The following LRRC52 variants were observed in gnomAD, a reference collection of about 807,000 sequenced individuals.
The protein encoded by LRRC52 is leucine-rich repeat-containing protein 52.
A neutral mutation model predicts 14.7 loss-of-function variants in LRRC52; 15 were observed. The observed-to-expected ratio is 1.02, with a 90% CI of 0.68 to 1.58. The LOEUF (loss-of-function observed/expected upper bound fraction) is 1.58. Ranked by LOEUF, LRRC52 falls within the 40% of genes most tolerant of loss-of-function variation. LRRC52 has a pLI of 0.00. For missense variants in LRRC52, 400 were observed against 387.7 expected (o/e 1.03, Z -0.27); for synonymous variants, 180 against 163.9 (o/e 1.10, Z -0.75).
At position 165,563,880 on chromosome 1, in the gene LRRC52, C is replaced by A; in HGVS notation, c.*56C>A. The A allele has an allele frequency of 1.3e-6, 2 of 1,519,924 alleles. No individual in the cohort carries two copies. The highest frequency in any genetic ancestry group is 9.0e-7 in the Non-Finnish European group (1 of 1,110,584). 94.2% of individuals were successfully genotyped at this position (1,519,924 alleles called of 1,614,324 possible). On this transcript the variant is annotated 3_prime_UTR_variant, in exon 2 of 2. Coordinates refer to ENST00000294818, the MANE Select transcript of LRRC52 (RefSeq NM_001005214.4). The stretch of plus-strand genomic sequence containing the variant: ...CCCAGGCTCCCTGCTTTCTCTCTTG[C>A]CCTCCCCATCCCACCACCTTGGAGC...
intron 1 of LRRC52, among the ~76,000 whole-genome samples, chr1:165,552,631 A>G (rs1043985251): frequency 1.3e-5 from 2 of 152,220 alleles, no homozygotes; most frequent in Admixed American, 6.5e-5. Flanking sequence ...CAGAAGCAAC[A>G]GGATTTGGGA....
chr1:165,563,754 G>A lies in LRRC52; in HGVS notation c.872G>A (p.Arg291Lys). The change falls in exon 2 of 2, where the codon AGG (arginine) becomes AAG (lysine). Residue 291 changes from arginine to lysine, a missense_variant. Transcript: ENST00000294818. ...SEEDEDEAGT[R>K]VEVSRRIFQT... is the part of the protein sequence containing the mutation. ...GAAGATGAGGACGAGGCCGGGACTA[G>A]GGTGGAAGTCAGCCGGCGGATTTTT... is the stretch of plus-strand genomic sequence containing the variant. 1 of 1,614,202 alleles carries A rather than the reference G, an allele frequency of 6.2e-7. No individual in the cohort carries two copies. Among genetic ancestry groups the A allele is most frequent in the Non-Finnish European group, 8.5e-7 (1 of 1,180,036 alleles).
intron 1 of LRRC52, among the ~76,000 whole-genome samples, chr1:165,546,466 T>G (rs1661021973): frequency 6.6e-6 from 1 of 152,234 alleles, no homozygotes; most frequent in African/African-American, 2.4e-5. Context: ...AAAACTGTGA[T>G]AGTGTCTAGA....
chr1:165,545,052 C>T, intron 1 of LRRC52, 134 bp downstream of exon 1: 1 of 1,151,688 alleles, frequency 8.7e-7, no homozygotes, highest in Non-Finnish European at 1.2e-6. Flanking sequence ...CTCTGCAGGG[C>T]CCACCCTTGG....
chr1:165,547,424 A>G (rs905873264), intron 1 of LRRC52, among the ~76,000 whole-genome samples: 3 of 152,114 alleles, frequency 2.0e-5, no homozygotes, highest in Non-Finnish European at 4.4e-5. Flanking sequence ...ATAAGCACTA[A>G]CCGTCATAAA....
rs1660973849 is a variant in LRRC52 at position 165,544,543 on chromosome 1, G to C, written c.247G>C (p.Asp83His). The C allele has an allele frequency of 6.2e-7, 1 of 1,613,902 alleles. No individual in the cohort carries two copies. Among genetic ancestry groups the C allele is most frequent in the African/African-American group, 1.3e-5 (1 of 74,846 alleles). The change falls in exon 1 of 2, where the codon GAC becomes CAC. Residue 83 changes from aspartate (D) to histidine (H), a missense_variant. By Grantham distance (81) the Asp-to-His change is moderately conservative. Transcript: ENST00000294818. ...LGLLSDLVYL[D>H]CQNNRIREVM... The stretch of plus-strand genomic sequence containing the variant: ...ACTCCTCAGTGACCTTGTTTATTTG[G>C]ACTGTCAGAACAACCGGATTCGAGA...
intron 1 of LRRC52, among the ~76,000 whole-genome samples, chr1:165,561,735 C>A (rs1661348763): frequency 6.6e-6 from 1 of 152,216 alleles, no homozygotes; most frequent in Non-Finnish European, 1.5e-5. Flanking sequence ...CCTCTTGTGT[C>A]TAAAAGCTTG....
chr1:165,544,659 C>G lies in LRRC52; in HGVS notation c.363C>G (p.Phe121Leu). The G allele has an allele frequency of 6.2e-7, 1 of 1,614,116 alleles. No individual in the cohort carries two copies. Among genetic ancestry groups the G allele is most frequent in the Non-Finnish European group, 8.5e-7 (1 of 1,180,016 alleles). Reference protein sequence around the residue: ...NNLTSISPFTFSVLSNLVQLN... With the variant: ...NNLTSISPFTLSVLSNLVQLN... ...TAACCTCGATCTCCCCATTCACTTT[C>G]TCGGTGCTCAGCAACCTGGTGCAGC... The change falls in exon 1 of 2, where the codon TTC becomes TTG. Residue 121 changes from phenylalanine (F) to leucine (L), a missense_variant. Phe to Leu is a conservative substitution (Grantham distance 22). Coordinates refer to ENST00000294818, the MANE Select transcript of LRRC52 (RefSeq NM_001005214.4).
At chr1:165,557,283 C>T (rs942156272) in intron 1 of LRRC52, among the ~76,000 whole-genome samples, 1 of 152,154 alleles carries the variant, frequency 6.6e-6, no homozygotes, top group Non-Finnish European at 1.5e-5. Context: ...GCATCCATTC[C>T]TGCCTCCTTG....
chr1:165,563,369 T>A (rs1296806954), intron 1 of LRRC52, 136 bp from the exon 2 acceptor site: 2 of 698,738 alleles, frequency 2.9e-6, no homozygotes, highest in Non-Finnish European at 4.7e-6. Flanking sequence ...AAGGTCCAGG[T>A]GATGTCGATG....
chr1:165,550,316 C>T (rs1215012037), intron 1 of LRRC52, among the ~76,000 whole-genome samples: 3 of 152,188 alleles, frequency 2.0e-5, no homozygotes, highest in African/African-American at 7.2e-5. Flanking sequence ...GCAAAGTCTG[C>T]TCTAATGCTG....
chr1:165,554,453 T>TG (rs55742551), intron 1 of LRRC52, among the ~76,000 whole-genome samples: 47 of 151,976 alleles, frequency 3.1e-4, no homozygotes, highest in East Asian at 2.3e-3. Flanking sequence ...TTGTTGTTGT[T>TG]TTTTGGAGGC....
At chr1:165,550,751 C>G (rs74120752) in intron 1 of LRRC52, among the ~76,000 whole-genome samples, 6,112 of 151,664 alleles carry the variant, frequency 0.04, 395 homozygotes, top group African/African-American at 0.14. Context: ...GCTGTTTCAC[C>G]GAGAAAAAAA....
At chr1:165,555,820 C>T (rs906137021) in intron 1 of LRRC52, among the ~76,000 whole-genome samples, 5 of 152,356 alleles carry the variant, frequency 3.3e-5, no homozygotes, top group South Asian at 2.1e-4. Flanking sequence ...TGGTGCCCTT[C>T]GGCTCCTGGG....
rs1660974262 is a variant in LRRC52, at chr1:165,544,551, G to A, written c.255G>A (p.Gln85=). 1 of 1,613,980 alleles carries A rather than the reference G, an allele frequency of 6.2e-7. No individual in the cohort carries two copies. Among genetic ancestry groups the A allele is most frequent in the Non-Finnish European group, 8.5e-7 (1 of 1,180,036 alleles). ...GTGACCTTGTTTATTTGGACTGTCAGAACAACCGGATTCGAGAGGTGATGG... is the reference window on the plus strand; with the variant it reads ...GTGACCTTGTTTATTTGGACTGTCAAAACAACCGGATTCGAGAGGTGATGG... The part of the protein sequence containing the change: ...LLSDLVYLDC[Q]NNRIREVMDY... The change falls in exon 1 of 2, where the codon CAG becomes CAA. Residue 85 remains glutamine, a synonymous_variant. Coordinates refer to ENST00000294818, the MANE Select transcript of LRRC52 (RefSeq NM_001005214.4).
intron 1 of LRRC52, among the ~76,000 whole-genome samples, chr1:165,557,087 A>C (rs1380389209): frequency 6.6e-6 from 1 of 152,226 alleles, no homozygotes; most frequent in Non-Finnish European, 1.5e-5. Flanking sequence ...AGAGTACAGA[A>C]AAAGGGTCTC....
Position 165,555,227 on chromosome 1 carries a change from C to T in LRRC52, c.623-8278C>T, listed in dbSNP as rs528571300. 3.9e-5 allele frequency among the ~76,000 whole-genome samples: 6 copies of T among 152,182 alleles called. No individual in the cohort carries two copies. The South Asian group carries it at 1.0e-3, about 26-fold the overall frequency. ...CCTGAGATTGAGAACAAGGCAGATACTTCAGGCTCAGTGGGCCTGCGGAGG... is the reference window on the plus strand; with the variant it reads ...CCTGAGATTGAGAACAAGGCAGATATTTCAGGCTCAGTGGGCCTGCGGAGG... On this transcript the variant is annotated intron_variant, in intron 1 of 1. Transcript: ENST00000294818.
At position 165,544,226 on chromosome 1, in the gene LRRC52, CA is replaced by C. The variant is rs1660963533; in HGVS notation, c.-70del. 3.0e-5 allele frequency: 17 copies of C among 560,282 alleles called. No individual in the cohort carries two copies. The highest frequency in any genetic ancestry group is 4.3e-5 in the Non-Finnish European group (14 of 326,370). 34.7% of individuals were successfully genotyped at this position (560,282 alleles called of 1,614,324 possible). On this transcript the variant is annotated 5_prime_UTR_variant, in exon 1 of 2. Transcript: ENST00000294818. ...GAGCCCCTCCCCCGCCCCACCCCCC[CA>C]CCGGCAGCCTTCGGATCAGAGGACA...
chr1:165,546,861 T>G (rs1661030410), intron 1 of LRRC52, among the ~76,000 whole-genome samples: 1 of 152,170 alleles, frequency 6.6e-6, no homozygotes, highest in African/African-American at 2.4e-5. Flanking sequence ...TAGATCTTTT[T>G]CACCGCATAT....
Sources: allele counts gnomAD v4.1 joint callset (sites outside exome capture counted in the v4.1 genomes callset), GRCh38; gene constraint gnomAD v4.1.1; transcripts MANE v1.5; gene names NCBI Gene and HGNC (gene_info 2026-07-23, HGNC 2026-07-21).